The following ACACA variants were observed in gnomAD, a reference collection of about 807,000 sequenced individuals.
ACACA encodes acetyl-CoA carboxylase 1.
In ACACA, 103 loss-of-function variants were observed where a neutral mutation model predicts 296.1. The ratio of observed to expected loss-of-function variants is 0.35; its 90% CI spans 0.30 to 0.41. The LOEUF (loss-of-function observed/expected upper bound fraction) is 0.41, where lower values mean the gene tolerates loss of function less well. Among genes scored for constraint, ACACA ranks in the 10% least tolerant of loss-of-function variants. ACACA has a pLI of 1.00. For synonymous variants in ACACA, 953 were observed against 1,038.6 expected (o/e 0.92, Z 1.58); for missense variants, 1,554 against 2,989.7 (o/e 0.52, Z 11.20).
chr17:37,289,548 A>T, intron 3 of ACACA: 1 of 1,313,534 alleles, frequency 7.6e-7, no homozygotes, highest in Non-Finnish European at 1.0e-6. Context: ...CAAAAATGTC[A>T]ATCAAAATGC....
At chr17:37,279,640 C>T (rs1402207901) in intron 5 of ACACA, among the ~76,000 whole-genome samples, 1 of 135,192 alleles carries the variant, frequency 7.4e-6, no homozygotes, top group South Asian at 2.4e-4. Flanking sequence ...AGCAAGACTC[C>T]GTCTAAAAAA....
intron 35 of ACACA, among the ~76,000 whole-genome samples, chr17:37,196,515 T>C (rs995177904): frequency 6.6e-6 from 1 of 152,096 alleles, no homozygotes; most frequent in Admixed American, 6.6e-5. Context: ...CTGTTTGATT[T>C]AGAATCTTAT....
intron 3 of ACACA, among the ~76,000 whole-genome samples, chr17:37,310,324 C>G (rs1419742742): frequency 6.6e-6 from 1 of 151,844 alleles, no homozygotes; most frequent in Non-Finnish European, 1.5e-5. Context: ...GGGGGAGGAT[C>G]AAATTTATGA....
intron 48 of ACACA, among the ~76,000 whole-genome samples, chr17:37,124,831 G>T (rs1224830335): frequency 6.6e-6 from 1 of 152,218 alleles, no homozygotes; most frequent in African/African-American, 2.4e-5. Context: ...GTGCTGACCT[G>T]CTGTACTGAG....
At chr17:37,341,670 G>A (rs551802871) in intron 1 of ACACA, among the ~76,000 whole-genome samples, 53 of 147,936 alleles carry the variant, frequency 3.6e-4, no homozygotes, top group Non-Finnish European at 6.5e-4. Context: ...AGCCTGGGCA[G>A]CAGAGCAAGA....
chr17:37,273,907 T>G (rs184235930), intron 9 of ACACA, among the ~76,000 whole-genome samples: 1 of 152,346 alleles, frequency 6.6e-6, no homozygotes, highest in East Asian at 1.9e-4. Flanking sequence ...CTTAAAACTC[T>G]GACTTAATCA....
chr17:37,150,734 T>C (rs1023047830), intron 44 of ACACA, among the ~76,000 whole-genome samples: 2 of 151,846 alleles, frequency 1.3e-5, no homozygotes, highest in African/African-American at 2.4e-5. Flanking sequence ...GCCTGGGTGA[T>C]AGAGTAAGAC....
intron 3 of ACACA, among the ~76,000 whole-genome samples, chr17:37,325,437 AATATATCAACCTGGCTG>A (rs2047564341): frequency 1.3e-5 from 2 of 151,920 alleles, no homozygotes; most frequent in African/African-American, 4.8e-5. Flanking sequence ...GAGTTCCAGA[AATATATCAACCTGGCTG>A]ATATATCAAC....
At chr17:37,190,906 C>T (rs144336723) in intron 38 of ACACA, among the ~76,000 whole-genome samples, 200 of 152,302 alleles carry the variant, frequency 1.3e-3, no homozygotes, top group Non-Finnish European at 2.1e-3. Context: ...ACACCAAAAC[C>T]TTCAGTTTTG....
At chr17:37,315,199 C>A (rs2047033505) in intron 3 of ACACA, among the ~76,000 whole-genome samples, 1 of 151,858 alleles carries the variant, frequency 6.6e-6, no homozygotes, top group Non-Finnish European at 1.5e-5. Context: ...CTTAGGTGAT[C>A]CACCCGCCTC....
chr17:37,394,247 G>A (rs1233766834), intron 1 of ACACA, among the ~76,000 whole-genome samples: 1 of 146,934 alleles, frequency 6.8e-6, no homozygotes, highest in East Asian at 2.0e-4. Flanking sequence ...GTTTCGCTCT[G>A]TTGCCCAGGC....
intron 7 of ACACA, 87 bp from the exon 8 acceptor site, chr17:37,276,136 AT>A: frequency 1.0e-6 from 1 of 982,890 alleles, no homozygotes; most frequent in Non-Finnish European, 1.6e-6. Flanking sequence ...ATAGCTATTT[AT>A]GTATTTGTCT....
In ACACA at chr17:37,244,700, T is replaced by C. The variant is rs556641243; in HGVS notation, c.2630A>G (p.Gln877Arg). ...TTTCTCGCCTCTGAGTGCCGTGCTC[T>C]GGATCCGTGGCAGACTACCTGTGTG... is the stretch of plus-strand genomic sequence containing the variant. ...ELHTGSLPRI[Q>R]STALRGEKLH... Residue 877 changes from glutamine to arginine, a missense_variant, in exon 21 of 56, where the codon CAG becomes CGG. Transcript: ENST00000616317. 1 of 1,614,210 alleles carries C rather than the reference T, an allele frequency of 6.2e-7. No individual in the cohort carries two copies. Among genetic ancestry groups the C allele is most frequent in the African/African-American group, 1.3e-5 (1 of 75,052 alleles).
intron 14 of ACACA, among the ~76,000 whole-genome samples, chr17:37,256,597 T>A (rs1177296184): frequency 6.6e-6 from 1 of 152,164 alleles, no homozygotes; most frequent in Non-Finnish European, 1.5e-5. Context: ...CTGGACATGA[T>A]GGTGCACACC....
At chr17:37,268,741 C>CTATCTATCTATCTA (rs1219982787) in intron 10 of ACACA, among the ~76,000 whole-genome samples, 18 of 94,506 alleles carry the variant, frequency 1.9e-4, no homozygotes, top group South Asian at 6.8e-4. Flanking sequence ...ATCTATCTAT[C>CTATCTATCTATCTA]TATATATATA....
rs2079391222 is a variant in ACACA, at chr17:37,223,500, A to G, written c.3564+12T>C. The stretch of plus-strand genomic sequence containing the variant: ...AAGGAAAAGGTCATGTCCCATTACC[A>G]TAAATACTTACCTCCAGAGCTGCCA... On this transcript the variant is annotated intron_variant, in intron 28 of 55. Transcript: ENST00000616317. The G allele has an allele frequency of 3.8e-6, 6 of 1,583,532 alleles. No individual in the cohort carries two copies. The highest frequency in any genetic ancestry group is 1.3e-5 in the African/African-American group (1 of 74,282).
chr17:37,109,401 T>A (rs1227406081), intron 52 of ACACA, among the ~76,000 whole-genome samples: 1 of 152,200 alleles, frequency 6.6e-6, no homozygotes, highest in Admixed American at 6.5e-5. Flanking sequence ...AGGTGTGATC[T>A]CCACTTTATG....
At chr17:37,370,004 C>T (rs1003353222) in intron 1 of ACACA, among the ~76,000 whole-genome samples, 162 of 120,110 alleles carry the variant, frequency 1.3e-3, no homozygotes, top group African/African-American at 6.2e-3. Flanking sequence ...CTGCGCCTGG[C>T]CCCTCCTTTT....
chr17:37,326,950 C>A (rs553306290), intron 3 of ACACA, among the ~76,000 whole-genome samples: 1 of 152,172 alleles, frequency 6.6e-6, no homozygotes, highest in Non-Finnish European at 1.5e-5. Flanking sequence ...TTGGGCTCAT[C>A]CATCATACCA....
Sources: allele counts gnomAD v4.1 joint callset (sites outside exome capture counted in the v4.1 genomes callset), GRCh38; gene constraint gnomAD v4.1.1; transcripts MANE v1.5; gene names NCBI Gene and HGNC (gene_info 2026-07-23, HGNC 2026-07-21).